Variants in CHST8 observed in about 807,000 individuals in gnomAD.
CHST8 encodes carbohydrate sulfotransferase 8.
In CHST8, 10 loss-of-function variants were observed where a neutral mutation model predicts 15.0. The ratio of observed to expected loss-of-function variants is 0.67; its 90% CI spans 0.41 to 1.13. The LOEUF is 1.13. CHST8 is among the 50% of genes most tolerant of loss of function. The pLI is 0.00. For synonymous variants in CHST8, 259 were observed against 256.6 expected, an observed-to-expected ratio of 1.01 and a Z score of -0.09; for missense variants, 634 against 608.2, an observed-to-expected ratio of 1.04 and a Z score of -0.45.
At chr19:33,702,410 AT>A (rs976959152) in intron 3 of CHST8, among the ~76,000 whole-genome samples, 17 of 152,204 alleles carry the variant, frequency 1.1e-4, no homozygotes, top group African/African-American at 4.1e-4. Context: ...TTATTCTACC[AT>A]TTTTCTCAAA....
intron 1 of CHST8, among the ~76,000 whole-genome samples, chr19:33,622,898 C>T (rs1457671855): frequency 6.6e-6 from 1 of 152,072 alleles, no homozygotes; most frequent in African/African-American, 2.4e-5. Context: ...TGTGTGCGTG[C>T]GTGTGTCGGG....
intron 1 of CHST8, among the ~76,000 whole-genome samples, chr19:33,624,782 A>AG (rs1442167786): frequency 2.6e-5 from 4 of 152,210 alleles, no homozygotes; most frequent in African/African-American, 4.8e-5. Context: ...GAAGAGAGGA[A>AG]GGGGAGCTTT....
chr19:33,678,667 A>T (rs974096398), intron 2 of CHST8, among the ~76,000 whole-genome samples: 7 of 152,136 alleles, frequency 4.6e-5, no homozygotes, highest in Admixed American at 2.0e-4. Context: ...TGAGCCCAGA[A>T]GTTTGAGGCT....
At chr19:33,669,886 C>T (rs1010855437) in intron 2 of CHST8, among the ~76,000 whole-genome samples, 13 of 152,144 alleles carry the variant, frequency 8.5e-5, no homozygotes, top group African/African-American at 2.9e-4. Flanking sequence ...TTTTCTTAAG[C>T]TTTGGTGACT....
intron 3 of CHST8, among the ~76,000 whole-genome samples, chr19:33,710,500 CTAATATAGACATTA>C (rs1346840312): frequency 1.3e-5 from 2 of 152,032 alleles, no homozygotes; most frequent in Admixed American, 1.3e-4. Flanking sequence ...TTCTTCTTTT[CTAATATAGACATTA>C]CTGCTATAAA....
At chr19:33,665,322 C>T (rs765765469) in intron 1 of CHST8, among the ~76,000 whole-genome samples, 12 of 152,228 alleles carry the variant, frequency 7.9e-5, no homozygotes, top group East Asian at 1.9e-4. Context: ...CAGACTTTTT[C>T]GTAAACGACC....
At chr19:33,765,073 T>TATATATATATA (rs1974807221) in intron 3 of CHST8, among the ~76,000 whole-genome samples, 1 of 147,206 alleles carries the variant, frequency 6.8e-6, no homozygotes. Flanking sequence ...TATATATATA[T>TATATATATATA]CAGAGTTTCT....
At chr19:33,681,110 T>G (rs1349826948) in intron 2 of CHST8, among the ~76,000 whole-genome samples, 1 of 152,122 alleles carries the variant, frequency 6.6e-6, no homozygotes, top group African/African-American at 2.4e-5. Context: ...CTTTAAAAAT[T>G]AAAGATTTTT....
intron 3 of CHST8, among the ~76,000 whole-genome samples, chr19:33,713,878 C>G (rs1275818775): frequency 2.1e-5 from 3 of 140,686 alleles, no homozygotes; most frequent in Non-Finnish European, 3.0e-5. Context: ...TTTGAACCTG[C>G]CACTCTTTTG....
intron 3 of CHST8, among the ~76,000 whole-genome samples, chr19:33,712,206 C>T (rs1358620198): frequency 6.6e-6 from 1 of 152,234 alleles, no homozygotes; most frequent in Non-Finnish European, 1.5e-5. Context: ...AGCTGGGTGG[C>T]TGTTTAATCA....
chr19:33,692,536 A>C (rs983460581), intron 3 of CHST8, among the ~76,000 whole-genome samples: 3 of 151,948 alleles, frequency 2.0e-5, no homozygotes, highest in African/African-American at 7.3e-5. Flanking sequence ...TGTCTCTACA[A>C]AAAAAAATAA....
chr19:33,769,045 A>G (rs1053429532), intron 3 of CHST8, among the ~76,000 whole-genome samples: 2 of 152,240 alleles, frequency 1.3e-5, no homozygotes, highest in African/African-American at 4.8e-5. Context: ...TAGCTCAGCG[A>G]GCATTAGAGT....
chr19:33,703,425 T>C (rs1435478692), intron 3 of CHST8, among the ~76,000 whole-genome samples: 2 of 152,216 alleles, frequency 1.3e-5, no homozygotes, highest in Admixed American at 1.3e-4. Context: ...GCTGTCCTTC[T>C]CCATGGCCAC....
chr19:33,691,074 G>C (rs1313269138), intron 3 of CHST8, among the ~76,000 whole-genome samples: 2 of 152,180 alleles, frequency 1.3e-5, no homozygotes, highest in Admixed American at 6.5e-5. Flanking sequence ...ACTCCTGGAT[G>C]GGACTGTGGT....
intron 1 of CHST8, 42 bp from the exon 2 acceptor site, chr19:33,667,725 T>A (rs933707275): frequency 1.3e-5 from 2 of 152,198 alleles, no homozygotes; most frequent in African/African-American, 4.8e-5. Flanking sequence ...TTTTAATGCT[T>A]GCTGGAAAAC....
intron 3 of CHST8, among the ~76,000 whole-genome samples, chr19:33,696,935 G>C (rs1383029487): frequency 6.6e-6 from 1 of 151,760 alleles, no homozygotes; most frequent in African/African-American, 2.4e-5. Flanking sequence ...CTGCCTCCCG[G>C]GTTCAAGCGA....
chr19:33,664,360 G>A (rs1329225481), intron 1 of CHST8, among the ~76,000 whole-genome samples: 2 of 150,818 alleles, frequency 1.3e-5, no homozygotes, highest in African/African-American at 2.4e-5. Flanking sequence ...ATGTATACAC[G>A]TGCCATGCTG....
At chr19:33,662,538 G>A (rs1972600909) in intron 1 of CHST8, among the ~76,000 whole-genome samples, 1 of 152,218 alleles carries the variant, frequency 6.6e-6, no homozygotes, top group Non-Finnish European at 1.5e-5. Context: ...CCCTGGCTCA[G>A]GGACTGTCTT....
chr19:33,713,312 G>A (rs1416511210), intron 3 of CHST8, among the ~76,000 whole-genome samples: 2 of 152,104 alleles, frequency 1.3e-5, no homozygotes, highest in African/African-American at 4.8e-5. Flanking sequence ...AAGGAGGATT[G>A]GCTCCCCTGG....
Sources: allele counts gnomAD v4.1 joint callset (sites outside exome capture counted in the v4.1 genomes callset), GRCh38; gene constraint gnomAD v4.1.1; transcripts MANE v1.5; gene names NCBI Gene and HGNC (gene_info 2026-07-23, HGNC 2026-07-21).